Variants in CAPN15 observed in about 807,000 individuals in gnomAD.
CAPN15 encodes the protein calpain-15.
CAPN15 carries 53 observed loss-of-function variants against 97.9 expected under a neutral mutation model. That is an observed-to-expected ratio of 0.54 (90% CI 0.43 to 0.68). CAPN15 has a LOEUF of 0.68. Among genes scored for constraint, CAPN15 ranks in the 30% least tolerant of loss-of-function variants. The pLI is 0.00. For synonymous variants in CAPN15, 922 were observed against 722.5 expected (o/e 1.28, Z -4.43); for missense variants, 1,592 against 1,589.8 (o/e 1.00, Z -0.02).
chr16:549,930 T>A (rs1423683639), intron 7 of CAPN15, 92 bp downstream of exon 7: 14 of 1,096,260 alleles, frequency 1.3e-5, no homozygotes, highest in Non-Finnish European at 1.3e-5. Flanking sequence ...CCTGACCCAG[T>A]TCTGCTTCCA....
intron 1 of CAPN15, among the ~76,000 whole-genome samples, chr16:529,432 G>T (rs1186864168): frequency 6.6e-6 from 1 of 152,220 alleles, no homozygotes; most frequent in Non-Finnish European, 1.5e-5. Context: ...CAGTGCCACA[G>T]GTGAGGAACC....
At chr16:539,552 G>T (rs1353223242) in intron 3 of CAPN15, 1 of 152,342 alleles carries the variant, frequency 6.6e-6, no homozygotes. Flanking sequence ...CTGGAGGGGA[G>T]ACCCCAGGAA....
intron 1 of CAPN15, among the ~76,000 whole-genome samples, chr16:529,607 C>G (rs1051229118): frequency 6.6e-6 from 1 of 152,238 alleles, no homozygotes; most frequent in African/African-American, 2.4e-5. Context: ...GGGCCTGAGC[C>G]GCTCAGTGAA....
chr16:528,877 G>T, intron 1 of CAPN15: 1 of 573,574 alleles, frequency 1.7e-6, no homozygotes, highest in Non-Finnish European at 2.2e-6. Flanking sequence ...AGGTCTGAGG[G>T]GTGCGGAAAC....
intron 13 of CAPN15, 92 bp downstream of exon 13, chr16:553,133 G>A: frequency 2.1e-6 from 1 of 469,024 alleles, no homozygotes; most frequent in South Asian, 2.3e-5. Flanking sequence ...CCCCACCCCT[G>A]CACAGGTGCC....
intron 1 of CAPN15, among the ~76,000 whole-genome samples, chr16:530,727 C>T (rs190945988): frequency 5.3e-5 from 8 of 152,278 alleles, no homozygotes; most frequent in South Asian, 2.1e-4. Context: ...ACAGGGTGCA[C>T]GGAATGGGGT....
intron 1 of CAPN15, among the ~76,000 whole-genome samples, chr16:530,922 C>T (rs888442221): frequency 1.3e-5 from 2 of 152,244 alleles, no homozygotes; most frequent in African/African-American, 2.4e-5. Flanking sequence ...TGAGTCCCGT[C>T]GGGTCATGGG....
intron 4 of CAPN15, among the ~76,000 whole-genome samples, chr16:548,551 G>A (rs1452291694): frequency 3.9e-5 from 6 of 152,344 alleles, no homozygotes; most frequent in South Asian, 4.1e-4. Flanking sequence ...GGAGGGCCCC[G>A]AGCCCCGTCT....
chr16:540,901 G>C (rs923679899), intron 3 of CAPN15, among the ~76,000 whole-genome samples: 1 of 152,200 alleles, frequency 6.6e-6, no homozygotes, highest in Non-Finnish European at 1.5e-5. Flanking sequence ...AGTCCAGGTG[G>C]TGAGGTCTGG....
intron 3 of CAPN15, among the ~76,000 whole-genome samples, chr16:542,757 AG>A (rs199588008): frequency 3.2e-4 from 30 of 94,834 alleles, no homozygotes; most frequent in Admixed American, 1.2e-3. Context: ...CTGGTTAATT[AG>A]AAAAAAAAAA....
Position 553,481 on chromosome 16 carries a change from G to C in CAPN15, c.3226G>C (p.Glu1076Gln). ...GACCCACAGCCCCCCACTCACGCCA[G>C]AGGTCGCCGGTCTGCATGGGCCCCG... ...KGTHSPPLTP[E>Q]VAGLHGPRPL The change falls in exon 14 of 14, where the codon GAG becomes CAG. Residue 1076 changes from glutamate to glutamine, a missense_variant. Transcript: ENST00000219611. The C allele has an allele frequency of 6.2e-7, 1 of 1,610,172 alleles. No individual in the cohort carries two copies. Among genetic ancestry groups the C allele is most frequent in the Non-Finnish European group, 8.5e-7 (1 of 1,178,796 alleles).
Position 528,012 on chromosome 16 carries a change from C to A in CAPN15, c.-207C>A, listed in dbSNP as rs1360149840. On this transcript the variant is annotated 5_prime_UTR_variant, in exon 1 of 14. Coordinates refer to ENST00000219611, the MANE Select transcript of CAPN15 (RefSeq NM_005632.3). ...TGCCCGGGCCGCGAGGACGAGGCGGCGCCGCCGGGCTGTGGAGGTGAGTCC... is the reference window on the plus strand; with the variant it reads ...TGCCCGGGCCGCGAGGACGAGGCGGAGCCGCCGGGCTGTGGAGGTGAGTCC... 1 of 143,988 alleles carries A rather than the reference C, an allele frequency of 6.9e-6. No individual in the cohort carries two copies. Among genetic ancestry groups the A allele is most frequent in the Non-Finnish European group, 1.5e-5 (1 of 64,832 alleles). The allele number at this position is 143,988 out of a possible 1,614,324, so 8.9% of individuals were successfully genotyped here.
At chr16:551,744 C>T (rs903662341) in intron 9 of CAPN15, 80 bp downstream of exon 9, 14 of 1,548,810 alleles carry the variant, frequency 9.0e-6, no homozygotes, top group South Asian at 6.9e-5. Flanking sequence ...AAGCCTGTCC[C>T]TCCTGCTGAC....
rs114535194 is a variant in CAPN15 at position 552,284 on chromosome 16, C to T, written c.2508-17C>T. 2,787 of 1,543,514 alleles carry T rather than the reference C, an allele frequency of 1.8e-3. 9 individuals carry two copies. Among genetic ancestry groups the T allele is most frequent in the African/African-American group, 0.014 (1,033 of 73,236 alleles). ...GCCGTGACCACGCGTGACCCTGGCC[C>T]GTGGTGTCTGGCGCAGGCGCTCGGA... On this transcript the variant is annotated splice_polypyrimidine_tract_variant and intron_variant, in intron 10 of 13. Coordinates refer to ENST00000219611, the MANE Select transcript of CAPN15 (RefSeq NM_005632.3). The surrounding 1 kb of genome is among the most constrained non-coding windows in gnomAD (Gnocchi z 6.4).
rs1275177554 is a variant in CAPN15 at position 553,509 on chromosome 16, C to T, written c.3254C>T (p.Pro1085Leu). The T allele has an allele frequency of 3.7e-6, 6 of 1,602,850 alleles. No individual in the cohort carries two copies. Among genetic ancestry groups the T allele is most frequent in the South Asian group, 1.1e-5 (1 of 90,442 alleles). The change falls in exon 14 of 14, where the codon CCG becomes CTG. Residue 1085 changes from proline (P) to leucine (L), a missense_variant. By Grantham distance (98) the Pro-to-Leu change is moderately conservative (BLOSUM62 -3). This residue lies in a region of CAPN15 where 644 missense variants were observed against 699.6 expected (regional missense o/e 0.92). Transcript: ENST00000219611. ...GTCGCCGGTCTGCATGGGCCCCGAC[C>T]GCTGTGACCACCATGCCTGGGGCAG... is the stretch of plus-strand genomic sequence containing the variant. ...PEVAGLHGPR[P>L]L
intron 3 of CAPN15, chr16:540,325 G>A (rs1197433918): frequency 1.0e-6 from 1 of 985,546 alleles, no homozygotes; most frequent in Non-Finnish European, 1.2e-6. Flanking sequence ...CTGGGGAGGT[G>A]CCCTGGTCAG....
rs1375525756 is a variant in CAPN15 at position 548,124 on chromosome 16, C to G, written c.1286C>G (p.Ala429Gly). 2.0e-6 allele frequency: 3 copies of G among 1,533,270 alleles called. No individual in the cohort carries two copies. The highest frequency in any genetic ancestry group is 2.5e-5 in the South Asian group (2 of 80,690). The allele number at this position is 1,533,270 out of a possible 1,614,324, so 95.0% of individuals were successfully genotyped here. A position where few individuals can be genotyped will look rare whatever the true frequency, so the allele number is the denominator to read the frequency against. The change falls in exon 4 of 14, where the codon GCC becomes GGC. Residue 429 changes from alanine (A) to glycine (G), a missense_variant. This residue lies in a region of CAPN15 where 883 missense variants were observed against 776.6 expected (regional missense o/e 1.14). Coordinates refer to ENST00000219611, the MANE Select transcript of CAPN15 (RefSeq NM_005632.3). ...TGTACCCTGCTCAACGCACTGCGGG[C>G]CAAGCACTGCGCCGCCTGCCACACG... ...PACTLLNALR[A>G]KHCAACHTPQ...
At chr16:543,039 A>G (rs900422829) in intron 3 of CAPN15, among the ~76,000 whole-genome samples, 1 of 152,022 alleles carries the variant, frequency 6.6e-6, no homozygotes, top group Non-Finnish European at 1.5e-5. Flanking sequence ...CGACAGAGTG[A>G]GACTCTGTCT....
intron 7 of CAPN15, 126 bp from the exon 8 acceptor site, chr16:551,176 G>T (rs2035041737): frequency 2.8e-6 from 4 of 1,429,218 alleles, no homozygotes; most frequent in Non-Finnish European, 3.7e-6. Context: ...GAGGGTCCCG[G>T]TCGGTGAGGG....
Sources: gnomAD v4.1 joint callset for allele counts (sites outside exome capture counted in the v4.1 genomes callset) on GRCh38, gnomAD v4.1.1 for gene constraint, gnomAD v4.1.1 regional missense constraint, Gnocchi (gnomAD v3.1) non-coding constraint, MANE v1.5 for transcripts, NCBI Gene and HGNC (gene_info 2026-07-23, HGNC 2026-07-21) for gene names.